Variants in ACYP2 observed in about 807,000 individuals in gnomAD.
ACYP2 encodes the protein acylphosphatase-2.
A neutral mutation model predicts 11.2 loss-of-function variants in ACYP2; 12 were observed. That is an observed-to-expected ratio of 1.08 (90% CI 0.69 to 1.74). The LOEUF (loss-of-function observed/expected upper bound fraction) is 1.74, where lower values mean the gene tolerates loss of function less well. Ranked by LOEUF, ACYP2 falls within the 40% of genes most tolerant of loss-of-function variation. The pLI is 0.00. For synonymous variants in ACYP2, 43 were observed against 32.2 expected, an observed-to-expected ratio of 1.33 and a Z score of -1.13; for missense variants, 134 against 101.9, an observed-to-expected ratio of 1.31 and a Z score of -1.35.
intron 4 of ACYP2, among the ~76,000 whole-genome samples, chr2:54,095,788 T>C (rs1250306064): frequency 3.5e-4 from 31 of 88,062 alleles, no homozygotes; most frequent in Admixed American, 5.9e-4. Context: ...GGGCAGGGGG[T>C]TGACCCTCCC....
intron 6 of ACYP2, among the ~76,000 whole-genome samples, chr2:54,260,453 T>TA (rs1328486212): frequency 3.3e-5 from 5 of 152,170 alleles, no homozygotes; most frequent in African/African-American, 1.2e-4. Context: ...GCATTCAACT[T>TA]ACAGCTGCAG....
intron 4 of ACYP2, among the ~76,000 whole-genome samples, chr2:54,116,179 C>T (rs1195129538): frequency 6.6e-6 from 1 of 152,180 alleles, no homozygotes; most frequent in Non-Finnish European, 1.5e-5. Flanking sequence ...GTTAATTTTT[C>T]AGAGGTCAAA....
intron 6 of ACYP2, among the ~76,000 whole-genome samples, chr2:54,273,235 A>G (rs1023870015): frequency 1.3e-5 from 2 of 152,232 alleles, no homozygotes; most frequent in African/African-American, 4.8e-5. Context: ...TTGGGTATGC[A>G]ATGGGAAACT....
chr2:54,247,005 A>C (rs1686985010), intron 6 of ACYP2, among the ~76,000 whole-genome samples: 1 of 152,194 alleles, frequency 6.6e-6, no homozygotes. Flanking sequence ...TCCCATCATG[A>C]GTATTAAATT....
At chr2:54,052,751 T>G (rs575704402) in intron 3 of ACYP2, among the ~76,000 whole-genome samples, 1 of 152,314 alleles carries the variant, frequency 6.6e-6, no homozygotes, top group African/African-American at 2.4e-5. Flanking sequence ...AGGTTTCCAA[T>G]TGAAAATGGC....
chr2:54,147,507 C>T (rs1405642051), intron 6 of ACYP2, among the ~76,000 whole-genome samples: 2 of 151,810 alleles, frequency 1.3e-5, no homozygotes, highest in Non-Finnish European at 2.9e-5. Context: ...TATAGTTACT[C>T]CTTCTCCACT....
intron 5 of ACYP2, among the ~76,000 whole-genome samples, chr2:54,137,299 G>T (rs1000256609): frequency 6.6e-6 from 1 of 151,862 alleles, no homozygotes; most frequent in African/African-American, 2.4e-5. Flanking sequence ...ATTATTTTAG[G>T]TTCAGCGGTA....
chr2:54,032,625 A>C (rs1371491392), intron 2 of ACYP2, among the ~76,000 whole-genome samples: 1 of 152,180 alleles, frequency 6.6e-6, no homozygotes, highest in Non-Finnish European at 1.5e-5. Context: ...TTTTGGTTCC[A>C]TATGAACTTT....
intron 4 of ACYP2, among the ~76,000 whole-genome samples, chr2:54,125,538 T>C (rs1174347557): frequency 6.7e-6 from 1 of 149,186 alleles, no homozygotes; most frequent in Non-Finnish European, 1.5e-5. Context: ...TAACCAGAGG[T>C]CAGGAGTTTG....
intron 2 of ACYP2, among the ~76,000 whole-genome samples, chr2:54,049,418 A>G (rs745865402): frequency 2.0e-5 from 3 of 152,086 alleles, no homozygotes; most frequent in African/African-American, 4.8e-5. Context: ...TTGGCTTCCT[A>G]TCCACATGTA....
intron 4 of ACYP2, among the ~76,000 whole-genome samples, chr2:54,085,238 G>A (rs1677886943): frequency 6.6e-6 from 1 of 152,122 alleles, no homozygotes; most frequent in African/African-American, 2.4e-5. Context: ...ACGTTCCAAG[G>A]CTGTGCACAT....
chr2:54,062,179 G>A (rs1393448670), intron 4 of ACYP2, among the ~76,000 whole-genome samples: 1 of 152,144 alleles, frequency 6.6e-6, no homozygotes, highest in East Asian at 1.9e-4. Flanking sequence ...ACATCTGGGG[G>A]TTACAGAGTC....
intron 4 of ACYP2, among the ~76,000 whole-genome samples, chr2:54,086,016 T>A (rs1233647292): frequency 1.3e-5 from 2 of 152,154 alleles, no homozygotes; most frequent in African/African-American, 2.4e-5. Flanking sequence ...CAGTCTCGGC[T>A]CACTGCAACC....
intron 2 of ACYP2, among the ~76,000 whole-genome samples, chr2:53,983,593 T>A (rs1035173373): frequency 2.6e-5 from 4 of 152,226 alleles, no homozygotes; most frequent in South Asian, 4.1e-4. Context: ...ACCCATATGC[T>A]TAGGGAGCGA....
rs927613823 is a variant in ACYP2 at position 54,277,928 on chromosome 2, G to A, written c.405-26760G>A. 5.9e-5 allele frequency among the ~76,000 whole-genome samples: 9 copies of A among 152,028 alleles called. 1 individual carries two copies. The highest frequency in any genetic ancestry group is 3.9e-4 in the East Asian group (2 of 5,188). On this transcript the variant is annotated intron_variant, in intron 6 of 6. Coordinates refer to ENST00000607452, the MANE Select transcript of ACYP2 (RefSeq NM_001320586.2). ...TCAAATGTACCCAAAAAGAGAATGC[G>A]ATAAATCCCCAAGTCTCCAACTACT...
chr2:54,273,540 C>T (rs779320880), intron 6 of ACYP2, among the ~76,000 whole-genome samples: 1 of 152,204 alleles, frequency 6.6e-6, no homozygotes, highest in Non-Finnish European at 1.5e-5. Context: ...TCTCACCTCA[C>T]TACAACCTCT....
At chr2:54,263,272 C>A (rs1234614924) in intron 6 of ACYP2, among the ~76,000 whole-genome samples, 1 of 152,064 alleles carries the variant, frequency 6.6e-6, no homozygotes, top group Non-Finnish European at 1.5e-5. Flanking sequence ...ACTTAAGTGA[C>A]CAGATCTTGT....
intron 5 of ACYP2, among the ~76,000 whole-genome samples, chr2:54,136,859 C>G (rs1024493897): frequency 1.3e-5 from 2 of 152,028 alleles, no homozygotes; most frequent in Admixed American, 6.6e-5. Context: ...GCCTGTAATC[C>G]GAGCTACTTG....
intron 4 of ACYP2, among the ~76,000 whole-genome samples, chr2:54,084,200 C>T (rs1233546239): frequency 6.6e-6 from 1 of 152,174 alleles, no homozygotes; most frequent in East Asian, 1.9e-4. Flanking sequence ...GTTTATATAT[C>T]AGAATTCTTC....
Sources: allele counts gnomAD v4.1 joint callset (sites outside exome capture counted in the v4.1 genomes callset), GRCh38; gene constraint gnomAD v4.1.1; transcripts MANE v1.5; gene names NCBI Gene and HGNC (gene_info 2026-07-23, HGNC 2026-07-21).